Variants in NSD1 observed in about 807,000 individuals in gnomAD.
NSD1 encodes the protein nuclear receptor binding SET domain protein 1.
A neutral mutation model predicts 242.7 loss-of-function variants in NSD1; 26 were observed. The observed-to-expected ratio is 0.11, with a 90% CI of 0.08 to 0.15. The LOEUF is 0.15. NSD1 is among the 10% of genes least tolerant of loss of function. The probability of loss-of-function intolerance (pLI) is 1.00; values close to 1 mark genes in which losing one functional copy is unlikely to be tolerated. For missense variants in NSD1, 2,495 were observed against 3,272.8 expected (o/e 0.76, Z 5.80); for synonymous variants, 1,106 against 1,178.1 (o/e 0.94, Z 1.25).
intron 2 of NSD1, among the ~76,000 whole-genome samples, chr5:177,168,605 T>C (rs1759433838): frequency 6.6e-6 from 1 of 151,920 alleles, no homozygotes; most frequent in Non-Finnish European, 1.5e-5. Context: ...GGATTACAGG[T>C]GCCCACCACC....
At chr5:177,266,019 A>G in intron 14 of NSD1, 1 of 1,033,946 alleles carries the variant, frequency 9.7e-7, no homozygotes, top group East Asian at 2.4e-5. Context: ...TTGATGCAAG[A>G]TATATCGAAG....
intron 11 of NSD1, among the ~76,000 whole-genome samples, chr5:177,249,456 A>AT (rs1562256965): frequency 2.0e-5 from 3 of 151,100 alleles, no homozygotes; most frequent in Admixed American, 6.6e-5. Flanking sequence ...TTATTAATTA[A>AT]TTATTTATTT....
intron 5 of NSD1, among the ~76,000 whole-genome samples, chr5:177,218,656 C>T (rs1763983233): frequency 6.6e-6 from 1 of 151,932 alleles, no homozygotes; most frequent in Non-Finnish European, 1.5e-5. Flanking sequence ...CAAGCTCCAC[C>T]TCCCGGATTG....
chr5:177,204,058 C>G (rs1762700732), intron 3 of NSD1, 62 bp from the exon 4 acceptor site: 1 of 1,484,858 alleles, frequency 6.7e-7, no homozygotes, highest in Non-Finnish European at 9.4e-7. Flanking sequence ...TGTGGCTGTT[C>G]TCTTAATGAT....
At position 177,236,052 on chromosome 5, in the gene NSD1, T is replaced by C. The variant is rs1765414029; in HGVS notation, c.3921+107T>C. On this transcript the variant is annotated intron_variant, in intron 6 of 22. Transcript: ENST00000439151. ...GAAACAATAATTTCCTTAACTGAGA[T>C]CTTGTTTTTTATTCTCAGCTTCTAG... 3.1e-6 allele frequency: 4 copies of C among 1,278,996 alleles called. No individual in the cohort carries two copies. In the African/African-American group the frequency reaches 4.4e-5, roughly 14 times the overall value. 79.2% of individuals were successfully genotyped at this position (1,278,996 alleles called of 1,614,324 possible). A position where few individuals can be genotyped will look rare whatever the true frequency, so the allele number is the denominator to read the frequency against.
intron 3 of NSD1, among the ~76,000 whole-genome samples, chr5:177,199,300 C>T (rs969964215): frequency 6.6e-6 from 1 of 152,086 alleles, no homozygotes; most frequent in African/African-American, 2.4e-5. Flanking sequence ...CTTTGTTGCT[C>T]AGGCTGGAGT....
chr5:177,266,837 C>G (rs1357569370), intron 14 of NSD1: 1 of 189,968 alleles, frequency 5.3e-6, no homozygotes, highest in Non-Finnish European at 1.1e-5. Flanking sequence ...GCCTGCCCGT[C>G]TGCTGAAACT....
intron 5 of NSD1, among the ~76,000 whole-genome samples, chr5:177,215,993 T>C (rs1562219233): frequency 6.6e-6 from 1 of 152,104 alleles, no homozygotes; most frequent in Admixed American, 6.6e-5. Flanking sequence ...CCTGAGTAGC[T>C]GGGAGTACAG....
chr5:177,240,106 TTGAAGA>T (rs1376570414), intron 8 of NSD1, among the ~76,000 whole-genome samples: 1 of 152,204 alleles, frequency 6.6e-6, no homozygotes, highest in Admixed American at 6.5e-5. Flanking sequence ...TTTAAATGCT[TTGAAGA>T]TTAAGTTTGT....
intron 5 of NSD1, among the ~76,000 whole-genome samples, chr5:177,220,063 T>C (rs1764111391): frequency 6.6e-6 from 1 of 152,210 alleles, no homozygotes; most frequent in South Asian, 2.1e-4. Flanking sequence ...TTATATATGT[T>C]TGTTATATGC....
intron 2 of NSD1, among the ~76,000 whole-genome samples, chr5:177,170,070 C>T (rs1562148232): frequency 2.0e-5 from 3 of 149,228 alleles, no homozygotes; most frequent in East Asian, 2.0e-4. Context: ...CTCGGGTTCA[C>T]GCCATTCTCC....
At chr5:177,287,246 T>C (rs1365030148) in intron 20 of NSD1, among the ~76,000 whole-genome samples, 1 of 152,288 alleles carries the variant, frequency 6.6e-6, no homozygotes, top group Non-Finnish European at 1.5e-5. Context: ...TTATGACAAG[T>C]ATCCTGCTTT....
chr5:177,202,835 A>AT lies in NSD1; in HGVS notation c.1064-1275dup, dbSNP rs546778759. ...TCAGTAGGTGGGAAATAAGGAGTTC[A>AT]TTTTTTTTTTCAGTTTGTTTTTAAA... On this transcript the variant is annotated intron_variant, in intron 3 of 22. Coordinates refer to ENST00000439151, the MANE Select transcript of NSD1 (RefSeq NM_022455.5). 3.2e-4 allele frequency among the ~76,000 whole-genome samples: 48 copies of AT among 149,112 alleles called. 1 individual carries two copies. The highest frequency in any genetic ancestry group is 9.4e-4 in the Admixed American group (14 of 14,904).
At chr5:177,209,536 A>G in intron 4 of NSD1, 100 bp from the exon 5 acceptor site, 2 of 926,900 alleles carry the variant, frequency 2.2e-6, no homozygotes, top group Non-Finnish European at 1.6e-6. Context: ...CTCAAAAAAA[A>G]AAAAAAAAGG....
intron 21 of NSD1, among the ~76,000 whole-genome samples, chr5:177,290,675 C>T (rs545995371): frequency 6.7e-4 from 102 of 152,210 alleles, no homozygotes; most frequent in Non-Finnish European, 1.3e-3. Context: ...TCCCAAAGTG[C>T]TGGGATTACA....
chr5:177,207,381 C>T (rs1217809073), intron 4 of NSD1, among the ~76,000 whole-genome samples: 1 of 151,782 alleles, frequency 6.6e-6, no homozygotes. Context: ...CTCCCGGGTT[C>T]ACGCCATTCT....
intron 2 of NSD1, among the ~76,000 whole-genome samples, chr5:177,167,504 C>T (rs1248691326): frequency 6.6e-6 from 1 of 151,972 alleles, no homozygotes; most frequent in Admixed American, 6.5e-5. Context: ...CATTGCACTC[C>T]AGCCTGGGCA....
intron 15 of NSD1, among the ~76,000 whole-genome samples, chr5:177,268,711 G>GT (rs764843275): frequency 2.3e-4 from 35 of 152,056 alleles, no homozygotes; most frequent in Non-Finnish European, 3.5e-4. Context: ...TTCTGTGAGA[G>GT]TTTGTTTTCT....
intron 2 of NSD1, chr5:177,136,936 C>T: frequency 1.4e-6 from 1 of 700,982 alleles, no homozygotes; most frequent in African/African-American, 1.7e-5. Context: ...GATCCTCCTG[C>T]ATCAGCTAGA....
Sources: gnomAD v4.1 joint callset for allele counts (sites outside exome capture counted in the v4.1 genomes callset) on GRCh38, gnomAD v4.1.1 for gene constraint, MANE v1.5 for transcripts, NCBI Gene and HGNC (gene_info 2026-07-23, HGNC 2026-07-21) for gene names.